CDH13: variants seen among roughly 807,000 people sequenced by gnomAD.
CDH13 encodes the protein cadherin-13.
Under a neutral mutation model 63.8 loss-of-function variants are expected in CDH13, and 24 were observed. The ratio of observed to expected loss-of-function variants is 0.38; its 90% confidence interval spans 0.27 to 0.53. The LOEUF (loss-of-function observed/expected upper bound fraction) is 0.53, where lower values mean the gene tolerates loss of function less well. CDH13 is among the 20% of genes least tolerant of loss of function. The pLI is 0.85. For missense variants in CDH13, 1,049 were observed against 903.1 expected (o/e 1.16, Z -2.07); for synonymous variants, 503 against 355.3 (o/e 1.42, Z -4.67).
intron 2 of CDH13, chr16:82,954,448 A>G (rs1000429628): frequency 2.6e-5 from 4 of 152,134 alleles, no homozygotes; most frequent in African/African-American, 9.7e-5. Flanking sequence ...CTTCCGTCCT[A>G]CAAGAGAGGA....
intron 6 of CDH13, among the ~76,000 whole-genome samples, chr16:83,446,113 G>A (rs2072680439): frequency 6.6e-6 from 1 of 151,964 alleles, no homozygotes; most frequent in Non-Finnish European, 1.5e-5. Flanking sequence ...GACCAGCATG[G>A]CCAACGTGGT....
At chr16:82,848,902 A>G (rs796149355) in intron 1 of CDH13, among the ~76,000 whole-genome samples, 8 of 152,346 alleles carry the variant, frequency 5.3e-5, no homozygotes, top group African/African-American at 1.9e-4. Context: ...TTCTTGTGCC[A>G]AAGAGTAAAG....
chr16:83,267,584 T>G (rs2088663452), intron 5 of CDH13, among the ~76,000 whole-genome samples: 1 of 152,172 alleles, frequency 6.6e-6, no homozygotes, highest in Admixed American at 6.5e-5. Flanking sequence ...AATGCTGTTA[T>G]CTCAGGAGAG....
intron 2 of CDH13, among the ~76,000 whole-genome samples, chr16:82,966,058 C>T (rs72790187): frequency 0.14 from 21,754 of 152,172 alleles, 1,668 homozygotes; most frequent in East Asian, 0.19. Context: ...CAGGCTCAGG[C>T]ATTGTGCAGC....
rs1567513935 is a variant in CDH13, at chr16:83,216,420, A to ATG, written c.484-924_484-923insGT. ...GAAATATATATATATATATATATAT[A>ATG]TATATATATATATATATATATATAC... On this transcript the variant is annotated intron_variant, in intron 4 of 13. Coordinates refer to ENST00000567109, the MANE Select transcript of CDH13 (RefSeq NM_001257.5). 1.2e-3 allele frequency among the ~76,000 whole-genome samples: 120 copies of ATG among 96,772 alleles called. 5 individuals are homozygous for ATG. The highest frequency in any genetic ancestry group is 3.1e-3 in the African/African-American group (82 of 26,472). The allele number at this position is 96,772 out of a possible 152,430, so 63.5% of individuals were successfully genotyped here.
intron 8 of CDH13, among the ~76,000 whole-genome samples, chr16:83,652,576 C>T (rs757347963): frequency 1.1e-4 from 17 of 151,332 alleles, no homozygotes; most frequent in South Asian, 2.1e-4. Flanking sequence ...CATTGTACCC[C>T]CTCTTTACTG....
At chr16:82,866,533 C>T (rs930152455) in intron 2 of CDH13, among the ~76,000 whole-genome samples, 1 of 151,812 alleles carries the variant, frequency 6.6e-6, no homozygotes, top group Non-Finnish European at 1.5e-5. Flanking sequence ...GGACTACAGG[C>T]ATGAGCCACC....
intron 6 of CDH13, among the ~76,000 whole-genome samples, chr16:83,361,623 G>C (rs759421519): frequency 1.3e-5 from 2 of 152,028 alleles, no homozygotes; most frequent in Non-Finnish European, 2.9e-5. Context: ...GAAATGTATG[G>C]GTCATTTCAT....
intron 7 of CDH13, among the ~76,000 whole-genome samples, chr16:83,487,848 C>A (rs57432829): frequency 0.012 from 1,765 of 152,298 alleles, 28 homozygotes; most frequent in African/African-American, 0.041. Context: ...TTTCTCCTCT[C>A]TTATGTGCTA....
intron 2 of CDH13, among the ~76,000 whole-genome samples, chr16:82,967,858 C>T (rs770018640): frequency 6.6e-6 from 1 of 152,280 alleles, no homozygotes; most frequent in East Asian, 1.9e-4. Context: ...CTTAATTTTT[C>T]CTCCTTTGTA....
chr16:83,051,419 G>A (rs2151505369), intron 3 of CDH13, among the ~76,000 whole-genome samples: 1 of 152,330 alleles, frequency 6.6e-6, no homozygotes, highest in South Asian at 2.1e-4. Flanking sequence ...GATTTATTAT[G>A]TAACAATGTA....
intron 5 of CDH13, among the ~76,000 whole-genome samples, chr16:83,314,685 T>G (rs567339453): frequency 1.3e-5 from 2 of 152,186 alleles, no homozygotes; most frequent in African/African-American, 2.4e-5. Flanking sequence ...TTGGACTTAA[T>G]GAGACATGAT....
chr16:82,801,968 G>T (rs1258623373), intron 1 of CDH13, among the ~76,000 whole-genome samples: 3 of 152,184 alleles, frequency 2.0e-5, no homozygotes, highest in Non-Finnish European at 4.4e-5. Flanking sequence ...TAAGTGGAAG[G>T]CAATACAGTG....
At chr16:82,684,482 G>C (rs1161729818) in intron 1 of CDH13, among the ~76,000 whole-genome samples, 1 of 152,138 alleles carries the variant, frequency 6.6e-6, no homozygotes, top group Non-Finnish European at 1.5e-5. Flanking sequence ...TAGTCAATTA[G>C]TGATGTCTGC....
chr16:83,424,440 C>G (rs909775749), intron 6 of CDH13, among the ~76,000 whole-genome samples: 1 of 152,194 alleles, frequency 6.6e-6, no homozygotes, highest in Non-Finnish European at 1.5e-5. Context: ...GTTGTTCAAA[C>G]TAGTTGGATT....
At chr16:83,745,211 T>A (rs1436281489) in intron 10 of CDH13, among the ~76,000 whole-genome samples, 1 of 152,074 alleles carries the variant, frequency 6.6e-6, no homozygotes, top group Non-Finnish European at 1.5e-5. Context: ...CGAGGCTGTT[T>A]TAGGAAAGAA....
intron 7 of CDH13, among the ~76,000 whole-genome samples, chr16:83,599,763 T>C (rs1907605225): frequency 6.6e-6 from 1 of 152,176 alleles, no homozygotes; most frequent in South Asian, 2.1e-4. Flanking sequence ...CTCTTCAATA[T>C]TGGGGGAGAA....
At chr16:83,269,933 G>A (rs1193451462) in intron 5 of CDH13, among the ~76,000 whole-genome samples, 5 of 152,082 alleles carry the variant, frequency 3.3e-5, no homozygotes, top group South Asian at 4.1e-4. Context: ...AATTGATTGC[G>A]GCTAGATTTA....
intron 7 of CDH13, among the ~76,000 whole-genome samples, chr16:83,500,822 C>G (rs1028024902): frequency 6.6e-6 from 1 of 151,734 alleles, no homozygotes; most frequent in African/African-American, 2.4e-5. Context: ...TCAGGCGATC[C>G]ACCCGCCTCG....
Sources: allele counts gnomAD v4.1 joint callset (sites outside exome capture counted in the v4.1 genomes callset), GRCh38; gene constraint gnomAD v4.1.1; transcripts MANE v1.5; gene names NCBI Gene and HGNC (gene_info 2026-07-23, HGNC 2026-07-21).